Variants in EDC4 observed in about 807,000 individuals in gnomAD.
The protein encoded by EDC4 is enhancer of mRNA-decapping protein 4.
In EDC4, 64 loss-of-function variants were observed where a neutral mutation model predicts 155.8. That is an observed-to-expected ratio of 0.41 (90% CI 0.34 to 0.51). The LOEUF is 0.51. Among genes scored for constraint, EDC4 ranks in the 20% least tolerant of loss-of-function variants. The pLI, the probability that EDC4 is intolerant of heterozygous loss-of-function variation, is 0.19. For synonymous variants in EDC4, 684 were observed against 716.8 expected, an observed-to-expected ratio of 0.95 and a Z score of 0.73; for missense variants, 1,303 against 1,812.5, an observed-to-expected ratio of 0.72 and a Z score of 5.10.
Position 67,877,100 on chromosome 16 carries a change from G to A in EDC4, c.452-117G>A. The A allele has an allele frequency of 6.5e-7, 1 of 1,535,332 alleles. No individual in the cohort carries two copies. Among genetic ancestry groups the A allele is most frequent in the Non-Finnish European group, 8.8e-7 (1 of 1,140,292 alleles). ...GTCCATGCTGCCTCTTGGGGAGCTG[G>A]GTGGGAAAACCAAGCTTGAGACTCT... On this transcript the variant is annotated intron_variant, in intron 4 of 28. Transcript: ENST00000358933. The surrounding 1 kb of genome is among the most constrained non-coding windows in gnomAD (Gnocchi z 4.9).
In EDC4 at chr16:67,883,433, C is replaced by T. The variant is rs536276871; in HGVS notation, c.3850-135C>T. 2 of 1,403,774 alleles carry T rather than the reference C, an allele frequency of 1.4e-6. No individual in the cohort carries two copies. The highest frequency in any genetic ancestry group is 2.3e-5 in the East Asian group (1 of 43,632). The allele number at this position is 1,403,774 out of a possible 1,614,324, so 87.0% of individuals were successfully genotyped here. A position where few individuals can be genotyped will look rare whatever the true frequency, so the allele number is the denominator to read the frequency against. ...CCCCTAGGGTAACTACACAGCCCTA[C>T]AGGCTCTCTCTGAGTCCCTCTGGAG... On this transcript the variant is annotated intron_variant, in intron 27 of 28. Coordinates refer to ENST00000358933, the MANE Select transcript of EDC4 (RefSeq NM_014329.5). The surrounding 1 kb of genome is among the most constrained non-coding windows in gnomAD (Gnocchi z 5.3).
chr16:67,883,534 T>C lies in EDC4; in HGVS notation c.3850-34T>C. On this transcript the variant is annotated intron_variant, in intron 27 of 28. Coordinates refer to ENST00000358933, the MANE Select transcript of EDC4 (RefSeq NM_014329.5). The surrounding 1 kb of genome is among the most constrained non-coding windows in gnomAD (Gnocchi z 5.3). ...ACAAGCAGACATTCCATCCTGATAT[T>C]TGCTATAAACACTGCTGCTTTTTTC... The C allele has an allele frequency of 6.2e-7, 1 of 1,607,462 alleles. No individual in the cohort carries two copies. The highest frequency in any genetic ancestry group is 1.7e-4 in the Middle Eastern group (1 of 6,048).
In EDC4 at chr16:67,884,066, C is replaced by T. The variant is rs745653287; in HGVS notation, c.4124C>T (p.Ala1375Val). Reference sequence around the variant, plus strand: ...CAAAAGCTTTTTCAGTTCCTGCAGGCTGAGCCACACAACTCACTTGGCAAA... The same window carrying T: ...CAAAAGCTTTTTCAGTTCCTGCAGGTTGAGCCACACAACTCACTTGGCAAA... ...VRQKLFQFLQ[A>V]EPHNSLGKAA... The change falls in exon 29 of 29, where the codon GCT becomes GTT. Residue 1375 changes from alanine to valine, a missense_variant. Transcript: ENST00000358933. The surrounding 1 kb of genome is among the most constrained non-coding windows in gnomAD (Gnocchi z 4.1). 6.2e-7 allele frequency: 1 copy of T among 1,614,164 alleles called. No individual in the cohort carries two copies. The highest frequency in any genetic ancestry group is 8.5e-7 in the Non-Finnish European group (1 of 1,180,016).
Position 67,875,978 on chromosome 16 carries a change from C to T in EDC4, c.116C>T (p.Ala39Val), listed in dbSNP as rs1160910050. 1.2e-6 allele frequency: 2 copies of T among 1,613,958 alleles called. No individual in the cohort carries two copies. The highest frequency in any genetic ancestry group is 1.7e-5 in the Admixed American group (1 of 60,004). Reference sequence around the variant, plus strand: ...GCAGAGAGCCCACGGCCATCCAGTGCCTACAATGGGGACCTCAATGGACTT... The same window carrying T: ...GCAGAGAGCCCACGGCCATCCAGTGTCTACAATGGGGACCTCAATGGACTT... ...PSAESPRPSSAYNGDLNGLLV... is the reference protein window; with the variant it reads ...PSAESPRPSSVYNGDLNGLLV... The change falls in exon 2 of 29, where the codon GCC (alanine) becomes GTC (valine). Residue 39 changes from alanine to valine, a missense_variant. Around this residue, in one of 5 missense-constraint regions of EDC4, gnomAD observed 99 missense variants for 121.3 expected, o/e 0.82. Coordinates refer to ENST00000358933, the MANE Select transcript of EDC4 (RefSeq NM_014329.5).
rs2058041008 is a variant in EDC4 at position 67,876,306 on chromosome 16, A to G, written c.240-182A>G. ...TGGATACCTGGTTTAGAATGAAAGT[A>G]GGCTCATTCCCAAGGAAGGAGATGA... On this transcript the variant is annotated intron_variant, in intron 2 of 28. Coordinates refer to ENST00000358933, the MANE Select transcript of EDC4 (RefSeq NM_014329.5). The surrounding 1 kb of genome is among the most constrained non-coding windows in gnomAD (Gnocchi z 5.8). 6.6e-6 allele frequency among the ~76,000 whole-genome samples: 1 copy of G among 152,216 alleles called. No individual in the cohort carries two copies. The highest frequency in any genetic ancestry group is 1.5e-5 in the Non-Finnish European group (1 of 68,044).
chr16:67,882,165 T>C lies in EDC4; in HGVS notation c.3161-47T>C. The C allele has an allele frequency of 4.3e-6, 7 of 1,613,086 alleles. No individual in the cohort carries two copies. Among genetic ancestry groups the C allele is most frequent in the Non-Finnish European group, 5.9e-6 (7 of 1,179,606 alleles). On this transcript the variant is annotated intron_variant, in intron 23 of 28. Coordinates refer to ENST00000358933, the MANE Select transcript of EDC4 (RefSeq NM_014329.5). The surrounding 1 kb of genome is among the most constrained non-coding windows in gnomAD (Gnocchi z 7.2). ...GGTTCAGGTGGGAGTGGGGTACCTGTCAAGCTTCTTCTCATGGCTCCACCT... is the reference window on the plus strand; with the variant it reads ...GGTTCAGGTGGGAGTGGGGTACCTGCCAAGCTTCTTCTCATGGCTCCACCT...
rs751967739 is a variant in EDC4 at position 67,883,727 on chromosome 16, C to T, written c.4009C>T (p.Leu1337Phe). Residue 1337 changes from leucine to phenylalanine, a missense_variant, in exon 28 of 29, where the codon CTC (leucine) becomes TTC (phenylalanine). This residue lies in a region of EDC4 where 527 missense variants were observed against 757.0 expected (regional missense o/e 0.70). Transcript: ENST00000358933. This position sits in a 1 kb window ranked among gnomAD's most constrained non-coding sequence, Gnocchi z 5.3. ...CCTTGGCACTCGAACTGACCTCAAGCTCAGGTAAGTGGGGACAGCCAGGGA... is the reference window on the plus strand; with the variant it reads ...CCTTGGCACTCGAACTGACCTCAAGTTCAGGTAAGTGGGGACAGCCAGGGA... ...SDLGTRTDLK[L>F]SYLEEAVMHL... is the part of the protein sequence containing the mutation. 6.2e-7 allele frequency: 1 copy of T among 1,614,090 alleles called. No homozygotes were observed. The highest frequency in any genetic ancestry group is 8.5e-7 in the Non-Finnish European group (1 of 1,180,020).
Position 67,880,133 on chromosome 16 carries a change from A to G in EDC4, c.2014A>G (p.Ser672Gly), listed in dbSNP as rs1301355935. The change falls in exon 17 of 29, where the codon AGC becomes GGC. Residue 672 changes from serine (S) to glycine (G), a missense_variant. Ser to Gly is a moderately conservative substitution (Grantham distance 56). Coordinates refer to ENST00000358933, the MANE Select transcript of EDC4 (RefSeq NM_014329.5). This position sits in a 1 kb window ranked among gnomAD's most constrained non-coding sequence, Gnocchi z 5.2. Reference protein sequence around the residue: ...DGSLTMSSSGSLQASPRGLLP... With the variant: ...DGSLTMSSSGGLQASPRGLLP... ...CAGCCTGACAATGAGCAGCAGTGGC[A>G]GCCTTCAGGCAAGCCCGCGTGGCCT... 6.2e-7 allele frequency: 1 copy of G among 1,613,104 alleles called. No individual in the cohort carries two copies. The highest frequency in any genetic ancestry group is 1.1e-5 in the South Asian group (1 of 91,014).
chr16:67,879,623 G>T lies in EDC4; in HGVS notation c.1670G>T (p.Gly557Val). Reference sequence around the variant, plus strand: ...TCTCGGCCCGAACTGGGCTCTGAGGGCCTGGGGTCAGCCGCTCACGGCTCC... The same window carrying T: ...TCTCGGCCCGAACTGGGCTCTGAGGTCCTGGGGTCAGCCGCTCACGGCTCC... ...GESRPELGSE[G>V]LGSAAHGSQP... The change falls in exon 15 of 29, where the codon GGC becomes GTC. Residue 557 changes from glycine to valine, a missense_variant. Around this residue, in one of 5 missense-constraint regions of EDC4, gnomAD observed 391 missense variants for 445.4 expected, o/e 0.88. Coordinates refer to ENST00000358933, the MANE Select transcript of EDC4 (RefSeq NM_014329.5). The surrounding 1 kb of genome is among the most constrained non-coding windows in gnomAD (Gnocchi z 6.0). The T allele has an allele frequency of 6.2e-7, 1 of 1,614,138 alleles. No individual in the cohort carries two copies. The highest frequency in any genetic ancestry group is 8.5e-7 in the Non-Finnish European group (1 of 1,180,014).
Position 67,876,935 on chromosome 16 carries a change from T to A in EDC4, c.414T>A (p.Ile138=). 1 of 1,614,238 alleles carries A rather than the reference T, an allele frequency of 6.2e-7. No individual in the cohort carries two copies. The highest frequency in any genetic ancestry group is 2.2e-5 in the East Asian group (1 of 44,890). The change falls in exon 4 of 29, where the codon ATT becomes ATA. Residue 138 remains isoleucine (I), a synonymous_variant. Coordinates refer to ENST00000358933, the MANE Select transcript of EDC4 (RefSeq NM_014329.5). This position sits in a 1 kb window ranked among gnomAD's most constrained non-coding sequence, Gnocchi z 5.8. ...WEQKYYYGNL[I]AVSNSFLAYA... Reference sequence around the variant, plus strand: ...AGAAGTACTACTATGGCAACCTGATTGCTGTGTCTAACTCCTTCTTGGCCT... The same window carrying A: ...AGAAGTACTACTATGGCAACCTGATAGCTGTGTCTAACTCCTTCTTGGCCT...
chr16:67,881,216 GA>G lies in EDC4; in HGVS notation c.2636+37del. ...CTCTACACCATTGCCCTCATGGGGG[GA>G]TGGGCAGCAAGTGGGCAGGGGCTTA... On this transcript the variant is annotated intron_variant, in intron 19 of 28. Transcript: ENST00000358933. This position sits in a 1 kb window ranked among gnomAD's most constrained non-coding sequence, Gnocchi z 5.4. The G allele has an allele frequency of 6.2e-7, 1 of 1,614,088 alleles. No individual in the cohort carries two copies. The highest frequency in any genetic ancestry group is 8.5e-7 in the Non-Finnish European group (1 of 1,179,986).
At position 67,881,859 on chromosome 16, in the gene EDC4, T is replaced by C. The variant is rs376031875; in HGVS notation, c.3004+14T>C. ...ACGAGCAGGAACGTATCCTTGAGAC[T>C]GGTAGCACAACATGGCATAGGGACG... is the stretch of plus-strand genomic sequence containing the variant. On this transcript the variant is annotated intron_variant, in intron 22 of 28. Coordinates refer to ENST00000358933, the MANE Select transcript of EDC4 (RefSeq NM_014329.5). This position sits in a 1 kb window ranked among gnomAD's most constrained non-coding sequence, Gnocchi z 5.4. 1.7e-5 allele frequency: 27 copies of C among 1,609,694 alleles called. No individual in the cohort carries two copies. The highest frequency in any genetic ancestry group is 1.9e-5 in the Non-Finnish European group (22 of 1,176,450).
Position 67,881,642 on chromosome 16 carries a change from C to T in EDC4, c.2827-26C>T, listed in dbSNP as rs778978985. 1.7e-5 allele frequency: 27 copies of T among 1,610,382 alleles called. No homozygotes were observed. The highest frequency in any genetic ancestry group is 1.0e-4 in the Admixed American group (6 of 59,928). The stretch of plus-strand genomic sequence containing the variant: ...GTGTGGGAATAGGTGGGGCAGGCAT[C>T]GTGTGACTGTCAGTGCTACTGACAG... On this transcript the variant is annotated intron_variant, in intron 21 of 28. Coordinates refer to ENST00000358933, the MANE Select transcript of EDC4 (RefSeq NM_014329.5). The surrounding 1 kb of genome is among the most constrained non-coding windows in gnomAD (Gnocchi z 5.4).
In EDC4 at chr16:67,878,369, C is replaced by T. The variant is rs780188990; in HGVS notation, c.1014C>T (p.His338=). The change falls in exon 9 of 29, where the codon CAC becomes CAT. Residue 338 remains histidine (H), a synonymous_variant. Coordinates refer to ENST00000358933, the MANE Select transcript of EDC4 (RefSeq NM_014329.5). This position sits in a 1 kb window ranked among gnomAD's most constrained non-coding sequence, Gnocchi z 5.2. ...IEGQDEPRCL[H]EWKPHDGRPL... ...ATCTGCCTACCTGCAGGTGTCTGCA[C>T]GAGTGGAAACCTCATGATGGGCGGC... is the stretch of plus-strand genomic sequence containing the variant. The T allele has an allele frequency of 1.4e-5, 22 of 1,614,064 alleles. No homozygotes were observed. Among genetic ancestry groups the T allele is most frequent in the South Asian group, 5.5e-5 (5 of 91,086 alleles).
Position 67,877,965 on chromosome 16 carries a change from C to A in EDC4, c.894+120C>A. On this transcript the variant is annotated intron_variant, in intron 7 of 28. Transcript: ENST00000358933. This position sits in a 1 kb window ranked among gnomAD's most constrained non-coding sequence, Gnocchi z 4.9. Reference sequence around the variant, plus strand: ...GCATTCTGCCCGTGGGGACTCTGAGCTCAAATTGGCCCTCACCTGTGCAGC... The same window carrying A: ...GCATTCTGCCCGTGGGGACTCTGAGATCAAATTGGCCCTCACCTGTGCAGC... 2 of 1,511,870 alleles carry A rather than the reference C, an allele frequency of 1.3e-6. No individual in the cohort carries two copies. Among genetic ancestry groups the A allele is most frequent in the Non-Finnish European group, 8.9e-7 (1 of 1,119,462 alleles). 93.7% of individuals were successfully genotyped at this position (1,511,870 alleles called of 1,614,324 possible).
Position 67,883,240 on chromosome 16 carries a change from C to T in EDC4, c.3849+63C>T. The T allele has an allele frequency of 1.3e-6, 2 of 1,493,510 alleles. No homozygotes were observed. The highest frequency in any genetic ancestry group is 1.8e-6 in the Non-Finnish European group (2 of 1,119,468). The allele number at this position is 1,493,510 out of a possible 1,614,324, so 92.5% of individuals were successfully genotyped here. On this transcript the variant is annotated intron_variant, in intron 27 of 28. Coordinates refer to ENST00000358933, the MANE Select transcript of EDC4 (RefSeq NM_014329.5). This position sits in a 1 kb window ranked among gnomAD's most constrained non-coding sequence, Gnocchi z 5.3. ...CTCTTGACAAGGCCCACATACCATA[C>T]ATTCTACTCCACCCACCACCTTTGC...
intron 1 of EDC4, among the ~76,000 whole-genome samples, chr16:67,875,343 C>T (rs1332221420): frequency 6.6e-6 from 1 of 152,188 alleles, no homozygotes; most frequent in East Asian, 1.9e-4. Flanking sequence ...CCCTTCCATG[C>T]CTTAGGAGCC....
At position 67,873,169 on chromosome 16, in the gene EDC4, G is replaced by T. The variant is rs1028500340; in HGVS notation, c.-93G>T. On this transcript the variant is annotated 5_prime_UTR_variant, in exon 1 of 29. Transcript: ENST00000358933. ...TGGACTGTGTAGTGACCGGCGTCCC[G>T]CTGTCTCGCCCCGTGGCGGGTGAGC... 8 of 1,000,900 alleles carry T rather than the reference G, an allele frequency of 8.0e-6. No individual in the cohort carries two copies. The highest frequency in any genetic ancestry group is 4.2e-5 in the Admixed American group (1 of 23,534). The allele number at this position is 1,000,900 out of a possible 1,614,324, so 62.0% of individuals were successfully genotyped here.
At position 67,883,785 on chromosome 16, in the gene EDC4, AG is replaced by A; in HGVS notation, c.4013+57del. On this transcript the variant is annotated intron_variant, in intron 28 of 28. Transcript: ENST00000358933. This position sits in a 1 kb window ranked among gnomAD's most constrained non-coding sequence, Gnocchi z 5.3. ...ATGAGCTGGGGAGTGGGGCAGTGGG[AG>A]GGAGCAGTTTGAAGCTGACGCCCAC... The A allele has an allele frequency of 1.3e-6, 2 of 1,597,626 alleles. No homozygotes were observed. Among genetic ancestry groups the A allele is most frequent in the Non-Finnish European group, 1.7e-6 (2 of 1,168,036 alleles).
Sources: gnomAD v4.1 joint callset for allele counts (sites outside exome capture counted in the v4.1 genomes callset) on GRCh38, gnomAD v4.1.1 for gene constraint, gnomAD v4.1.1 regional missense constraint, Gnocchi (gnomAD v3.1) non-coding constraint, MANE v1.5 for transcripts, NCBI Gene and HGNC (gene_info 2026-07-23, HGNC 2026-07-21) for gene names.